Variants in TPO observed in about 807,000 individuals in gnomAD.
TPO encodes thyroid microsomal antigen.
TPO carries 78 observed loss-of-function variants against 96.9 expected under a neutral mutation model. That is an observed-to-expected ratio of 0.81 (90% CI 0.67 to 0.97). The LOEUF (loss-of-function observed/expected upper bound fraction) is 0.97. TPO is among the 50% of genes least tolerant of loss of function. The probability of loss-of-function intolerance (pLI) is 0.00; values close to 1 mark genes in which losing one functional copy is unlikely to be tolerated. For missense variants in TPO, 1,252 were observed against 1,274.8 expected, an observed-to-expected ratio of 0.98 and a Z score of 0.27; for synonymous variants, 547 against 538.0, an observed-to-expected ratio of 1.02 and a Z score of -0.23.
chr2:1,498,716 A>T (rs188653405), intron 13 of TPO, among the ~76,000 whole-genome samples: 1 of 152,280 alleles, frequency 6.6e-6, no homozygotes, highest in Admixed American at 6.5e-5. Context: ...TAGAAACACA[A>T]CTACTCTGTC....
At chr2:1,510,664 A>G (rs1226861648) in intron 14 of TPO, among the ~76,000 whole-genome samples, 1 of 151,964 alleles carries the variant, frequency 6.6e-6, no homozygotes, top group East Asian at 1.9e-4. Context: ...CTTGCCCACT[A>G]CCTCTCTTCC....
intron 15 of TPO, among the ~76,000 whole-genome samples, chr2:1,531,160 AAATCCCCCCCACTGTGAGCAACCT>A (rs1256932708): frequency 2.3e-3 from 62 of 26,470 alleles, no homozygotes; most frequent in African/African-American, 0.011. Flanking sequence ...CAACCTCCCC[AAATCCCCCCCACTGTGAGCAACCT>A]CCCCAAATCC....
At chr2:1,523,365 G>A (rs1164750425) in intron 15 of TPO, among the ~76,000 whole-genome samples, 1 of 105,618 alleles carries the variant, frequency 9.5e-6, no homozygotes, top group African/African-American at 3.7e-5. Flanking sequence ...CCCCCACTGT[G>A]TTCAACCTCC....
intron 8 of TPO, among the ~76,000 whole-genome samples, chr2:1,478,657 G>A (rs1198111579): frequency 3.9e-5 from 6 of 152,226 alleles, no homozygotes; most frequent in African/African-American, 1.4e-4. Flanking sequence ...GCAGCAGCAG[G>A]CCCTCACACT....
chr2:1,416,160 C>T (rs138088545), intron 2 of TPO, among the ~76,000 whole-genome samples: 90 of 152,186 alleles, frequency 5.9e-4, no homozygotes, highest in Middle Eastern at 3.4e-3. Context: ...TGCAGTACCT[C>T]GGCAATCACC....
In TPO at chr2:1,496,647, T is replaced by C. The variant is rs778476911; in HGVS notation, c.2268T>C (p.Cys756=). The C allele has an allele frequency of 3.1e-6, 5 of 1,613,936 alleles. No homozygotes were observed. In the East Asian group the frequency reaches 1.1e-4, roughly 36 times the overall value. Reference sequence around the variant, plus strand: ...TGGAGAATGGGGACTTTGTGCACTGTGAGGAGTCTGGGAGGCGCGTGCTGG... The same window carrying C: ...TGGAGAATGGGGACTTTGTGCACTGCGAGGAGTCTGGGAGGCGCGTGCTGG... ...ESVENGDFVH[C]EESGRRVLVY... The change falls in exon 13 of 17, where the codon TGT becomes TGC. Residue 756 remains cysteine (C), a synonymous_variant. Coordinates refer to ENST00000329066, the MANE Select transcript of TPO (RefSeq NM_001206744.2).
chr2:1,400,621 C>CAA (rs34465338), intron 1 of TPO, among the ~76,000 whole-genome samples: 4,011 of 126,536 alleles, frequency 0.032, 90 homozygotes, highest in African/African-American at 0.069. Context: ...ACATGCGTCT[C>CAA]AAAAAAAAAA....
chr2:1,486,161 A>T lies in TPO; in HGVS notation c.1597+1307A>T, dbSNP rs569984715. Among the ~76,000 whole-genome samples the T allele has an allele frequency of 6.6e-5, 10 of 152,304 alleles. No homozygotes were observed. In the East Asian group the frequency reaches 1.9e-3, roughly 29 times the overall value. On this transcript the variant is annotated intron_variant, in intron 9 of 16. Coordinates refer to ENST00000329066, the MANE Select transcript of TPO (RefSeq NM_001206744.2). Reference sequence around the variant, plus strand: ...CCGTGCAGACCTTCCGTATGGGCACACTTGCTGATCCTACACAAGGTTTTT... The same window carrying T: ...CCGTGCAGACCTTCCGTATGGGCACTCTTGCTGATCCTACACAAGGTTTTT...
intron 15 of TPO, among the ~76,000 whole-genome samples, chr2:1,530,674 C>G (rs1677914889): frequency 9.2e-6 from 1 of 108,768 alleles, no homozygotes; most frequent in African/African-American, 3.7e-5. Context: ...TGTGTGCAAC[C>G]TTCTCAAATC....
At chr2:1,510,248 A>G (rs1673961312) in intron 14 of TPO, among the ~76,000 whole-genome samples, 2 of 151,696 alleles carry the variant, frequency 1.3e-5, no homozygotes, top group African/African-American at 2.4e-5. Flanking sequence ...ATTCACAGAG[A>G]GGAGCTCAGC....
chr2:1,509,322 G>A (rs373355837), intron 14 of TPO, among the ~76,000 whole-genome samples: 61 of 149,084 alleles, frequency 4.1e-4, no homozygotes, highest in African/African-American at 1.3e-3. Flanking sequence ...AGGCACACCC[G>A]CCCTCTTCTT....
At chr2:1,505,822 G>T (rs1403585627) in intron 14 of TPO, among the ~76,000 whole-genome samples, 1 of 146,632 alleles carries the variant, frequency 6.8e-6, no homozygotes, top group Non-Finnish European at 1.5e-5. Flanking sequence ...GGGTTGCGGA[G>T]AAATTCTTGT....
chr2:1,516,307 G>A (rs1388108685), intron 14 of TPO, among the ~76,000 whole-genome samples: 1 of 152,188 alleles, frequency 6.6e-6, no homozygotes, highest in East Asian at 1.9e-4. Flanking sequence ...ATGAGACCCA[G>A]GATGAGCTCC....
At chr2:1,434,499 C>T (rs1213803619) in intron 4 of TPO, among the ~76,000 whole-genome samples, 1 of 152,188 alleles carries the variant, frequency 6.6e-6, no homozygotes. Flanking sequence ...TTCTTTCAAA[C>T]CATATGGCTG....
intron 9 of TPO, among the ~76,000 whole-genome samples, chr2:1,485,880 C>T (rs189794763): frequency 5.3e-5 from 8 of 152,252 alleles, no homozygotes; most frequent in African/African-American, 1.9e-4. Context: ...ATAGTGGTTT[C>T]TATTGCTGTG....
At chr2:1,440,286 G>A (rs551698191) in intron 5 of TPO, among the ~76,000 whole-genome samples, 3 of 152,236 alleles carry the variant, frequency 2.0e-5, no homozygotes, top group South Asian at 2.1e-4. Context: ...TCTAAATGTC[G>A]AAATGGTGGA....
chr2:1,507,063 A>C (rs1385354036), intron 14 of TPO, among the ~76,000 whole-genome samples: 1 of 152,092 alleles, frequency 6.6e-6, no homozygotes, highest in African/African-American at 2.4e-5. Flanking sequence ...ATTTTTGTAT[A>C]AGGTGTAAGG....
At chr2:1,478,448 G>T in intron 8 of TPO, 1 of 967,938 alleles carries the variant, frequency 1.0e-6, no homozygotes, top group Non-Finnish European at 1.2e-6. Context: ...CTGGAGCCTT[G>T]TCCGAGGAGG....
Position 1,496,342 on chromosome 2 carries a change from G to A in TPO, c.2215+145G>A, listed in dbSNP as rs879492163. ...CCTTACACCCTCAGGGCAGCTCCTGGGGCGGGGCGGGGCGGGGCGGGGCCC... is the reference window on the plus strand; with the variant it reads ...CCTTACACCCTCAGGGCAGCTCCTGAGGCGGGGCGGGGCGGGGCGGGGCCC... On this transcript the variant is annotated intron_variant, in intron 12 of 16. Coordinates refer to ENST00000329066, the MANE Select transcript of TPO (RefSeq NM_001206744.2). 5.2e-4 allele frequency: 492 copies of A among 938,028 alleles called. 4 individuals are homozygous for A. The Admixed American group carries it at 9.3e-3, about 18-fold the overall frequency. The allele number at this position is 938,028 out of a possible 1,614,324, so 58.1% of individuals were successfully genotyped here. A position where few individuals can be genotyped will look rare whatever the true frequency, so the allele number is the denominator to read the frequency against.
Sources: allele counts gnomAD v4.1 joint callset (sites outside exome capture counted in the v4.1 genomes callset), GRCh38; gene constraint gnomAD v4.1.1; transcripts MANE v1.5; gene names NCBI Gene and HGNC (gene_info 2026-07-23, HGNC 2026-07-21).